The following SRD5A2 variants were observed in gnomAD, a reference collection of about 807,000 sequenced individuals.
SRD5A2 encodes the protein steroid 5 alpha-reductase 2, also known as 3-oxo-5-alpha-steroid 4-dehydrogenase 2.
In SRD5A2, 30 loss-of-function variants were observed where a neutral mutation model predicts 27.4. The observed-to-expected ratio is 1.10, with a 90% CI of 0.82 to 1.49. The LOEUF is 1.49. Ranked by LOEUF, SRD5A2 falls within the 40% of genes most tolerant of loss-of-function variation. The pLI is 0.00. For synonymous variants in SRD5A2, 141 were observed against 133.6 expected, an observed-to-expected ratio of 1.06 and a Z score of -0.38; for missense variants, 348 against 323.4, an observed-to-expected ratio of 1.08 and a Z score of -0.58.
intron 1 of SRD5A2, among the ~76,000 whole-genome samples, chr2:31,568,754 A>T (rs1212705012): frequency 1.3e-5 from 2 of 152,130 alleles, no homozygotes; most frequent in Non-Finnish European, 2.9e-5. Context: ...GTTAGTGCCA[A>T]GGGGTGCTTG....
chr2:31,540,045 G>T (rs1283894608), intron 1 of SRD5A2, among the ~76,000 whole-genome samples: 1 of 151,990 alleles, frequency 6.6e-6, no homozygotes, highest in Non-Finnish European at 1.5e-5. Flanking sequence ...TTATAAATGA[G>T]GAAGAAAAAT....
intron 1 of SRD5A2, among the ~76,000 whole-genome samples, chr2:31,539,229 G>A (rs1449407042): frequency 6.6e-6 from 1 of 152,126 alleles, no homozygotes; most frequent in East Asian, 1.9e-4. Flanking sequence ...TGTGTTCCTG[G>A]ATTTTCATTT....
At chr2:31,624,520 C>A in the SRD5A2 span, among the ~76,000 whole-genome samples, 21 of 152,108 alleles carry the variant, frequency 1.4e-4, no homozygotes, top group East Asian at 3.9e-4. Flanking sequence ...CCTCTCCCCC[C>A]ACCCCACACA....
chr2:31,640,490 A>G, the SRD5A2 span, among the ~76,000 whole-genome samples: 1 of 152,040 alleles, frequency 6.6e-6, no homozygotes, highest in East Asian at 1.9e-4. Flanking sequence ...TTCATTTAGT[A>G]TATTTGCTTA....
At chr2:31,582,653 G>A (rs980428216), upstream of SRD5A2, among the ~76,000 whole-genome samples, 1 of 152,108 alleles carries the variant, frequency 6.6e-6, no homozygotes. Flanking sequence ...ATGAGCTTTA[G>A]CTCTGCGTTT....
At chr2:31,626,610 T>C in the SRD5A2 span, among the ~76,000 whole-genome samples, 1 of 152,204 alleles carries the variant, frequency 6.6e-6, no homozygotes, top group Non-Finnish European at 1.5e-5. Context: ...TCTATTGAGA[T>C]AATCATGTGG....
intron 4 of SRD5A2, among the ~76,000 whole-genome samples, chr2:31,527,357 G>A (rs1665803633): frequency 6.6e-6 from 1 of 152,180 alleles, no homozygotes; most frequent in Admixed American, 6.5e-5. Context: ...AAGGTGGCTG[G>A]TTTTCGGTAC....
chr2:31,543,098 C>T (rs944344503), intron 1 of SRD5A2, among the ~76,000 whole-genome samples: 3 of 152,130 alleles, frequency 2.0e-5, no homozygotes, highest in African/African-American at 7.2e-5. Context: ...ATAAGATTAT[C>T]TACAAATTTC....
the SRD5A2 span, among the ~76,000 whole-genome samples, chr2:31,653,222 A>G: frequency 6.6e-6 from 1 of 152,200 alleles, no homozygotes; most frequent in Non-Finnish European, 1.5e-5. Flanking sequence ...CACCAGCTCC[A>G]GTCAAGCAGC....
chr2:31,598,565 G>T, the SRD5A2 span, among the ~76,000 whole-genome samples: 7 of 151,794 alleles, frequency 4.6e-5, no homozygotes, highest in East Asian at 1.9e-4. Context: ...TTGCTTTCTT[G>T]TTTGTTTTTT....
rs1402968782 is a variant in SRD5A2 at position 31,523,384 on chromosome 2, G to C, written c.*2812C>G. 1.4e-5 allele frequency: 3 copies of C among 214,344 alleles called. No individual in the cohort carries two copies. The highest frequency in any genetic ancestry group is 2.8e-5 in the Non-Finnish European group (3 of 106,144). 13.3% of individuals were successfully genotyped at this position (214,344 alleles called of 1,614,324 possible). ...AGAAATCCAGATGGCAGCCCTAAAG[G>C]CTGTGCCTTAAGCAGAAGAAGCATA... On this transcript the variant is annotated 3_prime_UTR_variant, in exon 5 of 5. Coordinates refer to ENST00000622030, the MANE Select transcript of SRD5A2 (RefSeq NM_000348.4).
At chr2:31,607,535 C>A in the SRD5A2 span, among the ~76,000 whole-genome samples, 2 of 151,524 alleles carry the variant, frequency 1.3e-5, no homozygotes, top group Admixed American at 6.6e-5. Flanking sequence ...TTACCTATAT[C>A]CAGCAAAAAT....
chr2:31,638,734 ATTTCTTCTCTT>A, the SRD5A2 span, among the ~76,000 whole-genome samples: 5 of 148,124 alleles, frequency 3.4e-5, no homozygotes, highest in Non-Finnish European at 7.5e-5. Flanking sequence ...ACATATAGCT[ATTTCTTCTCTT>A]TTTTTTTCAA....
the SRD5A2 span, among the ~76,000 whole-genome samples, chr2:31,599,133 T>C: frequency 2.0e-5 from 3 of 152,124 alleles, no homozygotes; most frequent in Middle Eastern, 3.4e-3. Context: ...TAAATATACA[T>C]GCACCCAACA....
At chr2:31,629,242 C>G in the SRD5A2 span, among the ~76,000 whole-genome samples, 1 of 152,164 alleles carries the variant, frequency 6.6e-6, no homozygotes, top group African/African-American at 2.4e-5. Context: ...ATAACACTCA[C>G]TGTATGGCCC....
chr2:31,525,651 A>G lies in SRD5A2; in HGVS notation c.*545T>C, dbSNP rs1272072762. The G allele has an allele frequency of 8.8e-6, 2 of 227,830 alleles. No homozygotes were observed. The highest frequency in any genetic ancestry group is 1.7e-5 in the Non-Finnish European group (2 of 114,852). 14.1% of individuals were successfully genotyped at this position (227,830 alleles called of 1,614,324 possible). A position where few individuals can be genotyped will look rare whatever the true frequency, so the allele number is the denominator to read the frequency against. ...GGGCTCCTGTATTCAAGGTCTACCT[A>G]ATAATTTCTCATCTTTCCTAATTAA... On this transcript the variant is annotated 3_prime_UTR_variant, in exon 5 of 5. Transcript: ENST00000622030.
intron 1 of SRD5A2, among the ~76,000 whole-genome samples, chr2:31,560,027 G>A (rs958522132): frequency 2.0e-4 from 30 of 146,690 alleles, no homozygotes; most frequent in East Asian, 4.0e-4. Flanking sequence ...AAAATTGTAC[G>A]TTCCCACAAT....
chr2:31,533,837 C>G (rs1274326528), intron 1 of SRD5A2, 71 bp from the exon 2 acceptor site: 8 of 1,495,732 alleles, frequency 5.3e-6, no homozygotes, highest in Non-Finnish European at 7.2e-6. Context: ...CCACCTCTTT[C>G]TTAAGCTCAC....
chr2:31,636,539 C>T, the SRD5A2 span, among the ~76,000 whole-genome samples: 1 of 152,118 alleles, frequency 6.6e-6, no homozygotes, highest in African/African-American at 2.4e-5. Context: ...TGAAAGTGGA[C>T]ATCCTTGTCT....
Sources: gnomAD v4.1 joint callset for allele counts (sites outside exome capture counted in the v4.1 genomes callset) on GRCh38, gnomAD v4.1.1 for gene constraint, MANE v1.5 for transcripts, NCBI Gene and HGNC (gene_info 2026-07-23, HGNC 2026-07-21) for gene names.